The following DGKB variants were observed in gnomAD, a reference collection of about 807,000 sequenced individuals.
The protein encoded by DGKB is diacylglycerol kinase beta.
Under a neutral mutation model 114.3 loss-of-function variants are expected in DGKB, and 67 were observed. That is an observed-to-expected ratio of 0.59 (90% CI 0.48 to 0.72). The LOEUF (loss-of-function observed/expected upper bound fraction) is 0.72, where lower values mean the gene tolerates loss of function less well. Among genes scored for constraint, DGKB ranks in the 30% least tolerant of loss-of-function variants. The pLI is 0.00. For missense variants in DGKB, 907 were observed against 975.2 expected, an observed-to-expected ratio of 0.93 and a Z score of 0.93; for synonymous variants, 398 against 323.1, an observed-to-expected ratio of 1.23 and a Z score of -2.49.
chr7:14,329,669 G>A (rs10267619), intron 23 of DGKB, among the ~76,000 whole-genome samples: 53,120 of 151,592 alleles, frequency 0.35, 10,207 homozygotes, highest in African/African-American at 0.52. Context: ...TAATTTCCTG[G>A]GGAGCTATCT....
chr7:14,233,679 A>G (rs1792270203), intron 23 of DGKB, among the ~76,000 whole-genome samples: 1 of 152,002 alleles, frequency 6.6e-6, no homozygotes, highest in South Asian at 2.1e-4. Flanking sequence ...TGCGTGGAGG[A>G]GGGGAGAAAG....
intron 17 of DGKB, among the ~76,000 whole-genome samples, chr7:14,591,539 C>T (rs10155992): frequency 0.52 from 78,093 of 151,284 alleles, 20,564 homozygotes; most frequent in African/African-American, 0.62. Context: ...CTGTCAGACA[C>T]TTCTTTTTTT....
chr7:14,720,473 TTGTGTGTGTGTGTGTGTGTGTGTGTG>T (rs61654464), intron 5 of DGKB, among the ~76,000 whole-genome samples: 128 of 136,560 alleles, frequency 9.4e-4, no homozygotes, highest in African/African-American at 3.5e-3. Flanking sequence ...CCCGGCTGAT[TTGTGTGTGTGTGTGTGTGTGTGTGTG>T]TGTGTGTGTG....
chr7:14,332,507 C>A (rs980897553), intron 23 of DGKB, among the ~76,000 whole-genome samples: 2 of 152,200 alleles, frequency 1.3e-5, no homozygotes, highest in African/African-American at 4.8e-5. Flanking sequence ...GTCTTTCTGG[C>A]TTCACCTTCA....
intron 1 of DGKB, among the ~76,000 whole-genome samples, chr7:14,899,876 G>A (rs1034896921): frequency 2.0e-5 from 3 of 152,014 alleles, no homozygotes; most frequent in African/African-American, 7.2e-5. Flanking sequence ...TTTTTAAGTA[G>A]CAAAGCAGTT....
intron 23 of DGKB, among the ~76,000 whole-genome samples, chr7:14,332,215 C>A (rs919290562): frequency 6.6e-5 from 10 of 152,162 alleles, no homozygotes; most frequent in African/African-American, 2.2e-4. Context: ...CTCATTCTCA[C>A]AGTCACCATA....
intron 1 of DGKB, among the ~76,000 whole-genome samples, chr7:14,909,422 G>A (rs1783872933): frequency 6.6e-6 from 1 of 151,944 alleles, no homozygotes; most frequent in Non-Finnish European, 1.5e-5. Context: ...TCAATATTAT[G>A]CACGCACTAT....
At chr7:14,178,399 C>G (rs1782099747) in intron 23 of DGKB, among the ~76,000 whole-genome samples, 1 of 117,642 alleles carries the variant, frequency 8.5e-6, no homozygotes, top group Non-Finnish European at 1.6e-5. Context: ...AGATTCTGAG[C>G]CAAATAATAC....
chr7:14,214,112 C>T (rs1788578840), intron 23 of DGKB, among the ~76,000 whole-genome samples: 1 of 152,050 alleles, frequency 6.6e-6, no homozygotes. Flanking sequence ...CTGGTCTCCC[C>T]AAGTCTACTC....
At chr7:14,156,521 A>C (rs1367084994) in intron 25 of DGKB, among the ~76,000 whole-genome samples, 2 of 152,134 alleles carry the variant, frequency 1.3e-5, no homozygotes, top group Admixed American at 6.6e-5. Context: ...ATTCCATATA[A>C]TTTTCACATT....
intron 13 of DGKB, among the ~76,000 whole-genome samples, chr7:14,654,507 A>ATTT (rs1249263391): frequency 6.6e-6 from 1 of 152,044 alleles, no homozygotes; most frequent in Non-Finnish European, 1.5e-5. Context: ...AAAAATTGCA[A>ATTT]TTACATTTTT....
At chr7:14,613,134 A>G (rs1805870598) in intron 16 of DGKB, among the ~76,000 whole-genome samples, 1 of 152,148 alleles carries the variant, frequency 6.6e-6, no homozygotes, top group Non-Finnish European at 1.5e-5. Context: ...CTGAGCTATA[A>G]TAGTAAAAAT....
intron 23 of DGKB, among the ~76,000 whole-genome samples, chr7:14,188,466 C>T (rs1210738089): frequency 1.6e-5 from 2 of 122,098 alleles, no homozygotes; most frequent in African/African-American, 2.9e-5. Context: ...CGAGACCATC[C>T]CGGCTAAAAC....
chr7:14,384,018 G>A (rs1271286034), intron 21 of DGKB, among the ~76,000 whole-genome samples: 2 of 152,116 alleles, frequency 1.3e-5, no homozygotes, highest in African/African-American at 4.8e-5. Context: ...GGACTGAAAG[G>A]CTTTTAAACA....
intron 23 of DGKB, among the ~76,000 whole-genome samples, chr7:14,254,592 G>GATTA (rs75729125): frequency 0.18 from 27,050 of 151,888 alleles, 2,879 homozygotes; most frequent in African/African-American, 0.3. Flanking sequence ...TTAAACTGTT[G>GATTA]TAATATATAT....
At chr7:14,207,627 T>C (rs1379840115) in intron 23 of DGKB, among the ~76,000 whole-genome samples, 1 of 152,168 alleles carries the variant, frequency 6.6e-6, no homozygotes, top group East Asian at 1.9e-4. Flanking sequence ...GTAACTAATA[T>C]CAGTAAACAT....
intron 1 of DGKB, among the ~76,000 whole-genome samples, chr7:14,929,057 ATACAT>A (rs1356370333): frequency 6.6e-6 from 1 of 150,524 alleles, no homozygotes; most frequent in Non-Finnish European, 1.5e-5. Flanking sequence ...ACACACACAC[ATACAT>A]ATCACATTTT....
At chr7:14,788,602 C>G (rs1329540082) in intron 2 of DGKB, among the ~76,000 whole-genome samples, 1 of 152,142 alleles carries the variant, frequency 6.6e-6, no homozygotes, top group Non-Finnish European at 1.5e-5. Context: ...CTATGGGTAG[C>G]CCATATCACT....
chr7:14,492,165 G>A (rs1377259949), intron 20 of DGKB, among the ~76,000 whole-genome samples: 1 of 151,906 alleles, frequency 6.6e-6, no homozygotes, highest in Non-Finnish European at 1.5e-5. Context: ...ACCTATAAGG[G>A]GAAATTGCTC....
Sources: allele counts gnomAD v4.1 joint callset (sites outside exome capture counted in the v4.1 genomes callset), GRCh38; gene constraint gnomAD v4.1.1; transcripts MANE v1.5; gene names NCBI Gene and HGNC (gene_info 2026-07-23, HGNC 2026-07-21).